Variants in ZDHHC14 observed in about 807,000 individuals in gnomAD.
ZDHHC14 encodes palmitoyltransferase ZDHHC14.
In ZDHHC14, 16 loss-of-function variants were observed where a neutral mutation model predicts 47.7. The ratio of observed to expected loss-of-function variants is 0.34; its 90% CI spans 0.23 to 0.51. The LOEUF is 0.51. Among genes scored for constraint, ZDHHC14 ranks in the 20% least tolerant of loss-of-function variants. ZDHHC14 has a pLI of 0.97. For missense variants in ZDHHC14, 515 were observed against 662.5 expected (o/e 0.78, Z 2.44); for synonymous variants, 293 against 278.9 (o/e 1.05, Z -0.50).
chr6:157,475,627 T>C (rs188358203), intron 1 of ZDHHC14, among the ~76,000 whole-genome samples: 1 of 152,284 alleles, frequency 6.6e-6, no homozygotes, highest in Admixed American at 6.5e-5. Flanking sequence ...GTAACTCTTG[T>C]GAATGAGATA....
At chr6:157,412,012 C>T (rs1777880156) in intron 1 of ZDHHC14, among the ~76,000 whole-genome samples, 1 of 150,818 alleles carries the variant, frequency 6.6e-6, no homozygotes. Context: ...GATCTCGGCT[C>T]ATGGCAACCT....
At chr6:157,552,404 C>T (rs1333806131) in intron 2 of ZDHHC14, among the ~76,000 whole-genome samples, 5 of 151,902 alleles carry the variant, frequency 3.3e-5, no homozygotes, top group Admixed American at 2.0e-4. Flanking sequence ...ATGTGCTGGG[C>T]GTGAGGAGGA....
At chr6:157,450,998 T>TTGTGTGTGTGTGTGTGTGTGTG (rs34066002) in intron 1 of ZDHHC14, among the ~76,000 whole-genome samples, 33 of 147,634 alleles carry the variant, frequency 2.2e-4, no homozygotes, top group Admixed American at 8.1e-4. Flanking sequence ...AAGTCTGGTC[T>TTGTGTGTGTGTGTGTGTGTGTG]TGTGTGTGTG....
At chr6:157,521,737 G>A (rs1780923464) in intron 1 of ZDHHC14, among the ~76,000 whole-genome samples, 1 of 152,244 alleles carries the variant, frequency 6.6e-6, no homozygotes, top group Non-Finnish European at 1.5e-5. Context: ...TTGGTGTGAG[G>A]AGAGGCTATG....
chr6:157,507,758 A>G (rs1380391102), intron 1 of ZDHHC14, among the ~76,000 whole-genome samples: 1 of 152,118 alleles, frequency 6.6e-6, no homozygotes, highest in African/African-American at 2.4e-5. Context: ...GATCATCCTG[A>G]GGGTTTTCCT....
At chr6:157,453,788 T>TTTTTTTTTTTTGTGTGTG (rs3220439) in intron 1 of ZDHHC14, among the ~76,000 whole-genome samples, 1 of 148,196 alleles carries the variant, frequency 6.7e-6, no homozygotes, top group African/African-American at 2.5e-5. Context: ...TTTTTGTGTT[T>TTTTTTTTTTTTGTGTGTG]TGTGTGTGTG....
chr6:157,617,543 G>A (rs113864208), intron 3 of ZDHHC14, among the ~76,000 whole-genome samples: 4,990 of 152,230 alleles, frequency 0.033, 296 homozygotes, highest in African/African-American at 0.11. Context: ...TCCCAGAAAC[G>A]TATTTACTTT....
intron 2 of ZDHHC14, among the ~76,000 whole-genome samples, chr6:157,548,110 A>C (rs1313474120): frequency 6.6e-6 from 1 of 152,118 alleles, no homozygotes; most frequent in Non-Finnish European, 1.5e-5. Context: ...TCCCCAAAAA[A>C]AAAAAATCTG....
In ZDHHC14 at chr6:157,540,401, T is replaced by C. The variant is rs555860430; in HGVS notation, c.246-2184T>C. Among the ~76,000 whole-genome samples, 277 of 152,300 alleles carry C rather than the reference T, an allele frequency of 1.8e-3. 2 individuals are homozygous for C. Among genetic ancestry groups the C allele is most frequent in the African/African-American group, 6.3e-3 (263 of 41,566 alleles). On this transcript the variant is annotated intron_variant, in intron 1 of 8. Coordinates refer to ENST00000359775, the MANE Select transcript of ZDHHC14 (RefSeq NM_024630.3). ...CCTTTGCAACTTTGAGCAGGTGGAC[T>C]TTGCGGTCCACCAAGCTGCGTCTCA...
At chr6:157,452,443 T>C (rs1001337296) in intron 1 of ZDHHC14, among the ~76,000 whole-genome samples, 177 of 152,318 alleles carry the variant, frequency 1.2e-3, no homozygotes, top group African/African-American at 4.2e-3. Flanking sequence ...TTTTGGAGTA[T>C]GTTTGTGTTG....
chr6:157,509,660 A>G (rs1158300488), intron 1 of ZDHHC14, among the ~76,000 whole-genome samples: 2 of 152,216 alleles, frequency 1.3e-5, no homozygotes, highest in Non-Finnish European at 2.9e-5. Flanking sequence ...AAATTAATAA[A>G]ACTGTGAGAG....
At chr6:157,612,828 GTCTTCTC>G (rs201914191) in intron 3 of ZDHHC14, among the ~76,000 whole-genome samples, 17,659 of 143,166 alleles carry the variant, frequency 0.12, 1,098 homozygotes, top group Middle Eastern at 0.18. Context: ...CTCCATCGTA[GTCTTCTC>G]TCTTAGAGAA....
intron 1 of ZDHHC14, among the ~76,000 whole-genome samples, chr6:157,467,515 T>TTCTA (rs1779247752): frequency 7.3e-6 from 1 of 136,298 alleles, no homozygotes; most frequent in Non-Finnish European, 1.6e-5. Flanking sequence ...TCATTCCTCA[T>TTCTA]TTTATTTATT....
intron 1 of ZDHHC14, among the ~76,000 whole-genome samples, chr6:157,475,135 A>C (rs574348466): frequency 6.6e-6 from 1 of 152,126 alleles, no homozygotes; most frequent in African/African-American, 2.4e-5. Context: ...TTTATTGAAG[A>C]GATTATCCTT....
intron 1 of ZDHHC14, among the ~76,000 whole-genome samples, chr6:157,494,411 C>T (rs10485041): frequency 0.064 from 9,693 of 152,234 alleles, 348 homozygotes; most frequent in Middle Eastern, 0.092. Flanking sequence ...ATCCAAATGG[C>T]GGGATAGTAA....
At chr6:157,659,277 G>A (rs1332015469) in intron 8 of ZDHHC14, among the ~76,000 whole-genome samples, 2 of 152,192 alleles carry the variant, frequency 1.3e-5, no homozygotes, top group African/African-American at 2.4e-5. Flanking sequence ...TTGGTATTTT[G>A]TATTTTTTAA....
intron 2 of ZDHHC14, among the ~76,000 whole-genome samples, chr6:157,547,190 G>A (rs769878052): frequency 1.4e-4 from 21 of 152,272 alleles, no homozygotes; most frequent in East Asian, 5.8e-4. Context: ...GCACGTGCAC[G>A]TGTGTGTGTG....
chr6:157,645,887 C>T (rs753664739), intron 6 of ZDHHC14, 48 bp downstream of exon 6: 3 of 1,521,514 alleles, frequency 2.0e-6, no homozygotes, highest in Non-Finnish European at 2.7e-6. Context: ...GGGTTTTGGG[C>T]AATGGAGGAG....
At chr6:157,536,827 T>TAG (rs1469150443) in intron 1 of ZDHHC14, among the ~76,000 whole-genome samples, 1 of 89,422 alleles carries the variant, frequency 1.1e-5, no homozygotes, top group African/African-American at 6.6e-5. Flanking sequence ...ATCTTTTTTT[T>TAG]TTTTTTTTTG....
Sources: gnomAD v4.1 joint callset for allele counts (sites outside exome capture counted in the v4.1 genomes callset) on GRCh38, gnomAD v4.1.1 for gene constraint, MANE v1.5 for transcripts, NCBI Gene and HGNC (gene_info 2026-07-23, HGNC 2026-07-21) for gene names.